The following FNDC3A variants were observed in gnomAD, a reference collection of about 807,000 sequenced individuals.
The protein encoded by FNDC3A is fibronectin type-III domain-containing protein 3A.
In FNDC3A, 32 loss-of-function variants were observed where a neutral mutation model predicts 148.9. That is an observed-to-expected ratio of 0.21 (90% CI 0.16 to 0.29). The LOEUF is 0.29. FNDC3A is among the 10% of genes least tolerant of loss of function. The pLI is 1.00. For missense variants in FNDC3A, 1,191 were observed against 1,452.8 expected, an observed-to-expected ratio of 0.82 and a Z score of 2.93; for synonymous variants, 472 against 473.6, an observed-to-expected ratio of 1.00 and a Z score of 0.04.
chr13:49,003,388 ATATTCAAGTCTCTTGTTATTTTTC>A (rs972513231), intron 1 of FNDC3A, among the ~76,000 whole-genome samples: 4 of 152,132 alleles, frequency 2.6e-5, no homozygotes, highest in Non-Finnish European at 5.9e-5. Context: ...TGTGGAGAGT[ATATTCAAGTCTCTTGTTATTTTTC>A]TATCTTTTTT....
At chr13:49,180,028 A>G (rs1885226291) in intron 14 of FNDC3A, among the ~76,000 whole-genome samples, 1 of 152,230 alleles carries the variant, frequency 6.6e-6, no homozygotes, top group Non-Finnish European at 1.5e-5. Flanking sequence ...ATACATGTGT[A>G]TATACATAAA....
At chr13:49,168,971 C>T (rs541684806) in intron 10 of FNDC3A, among the ~76,000 whole-genome samples, 2 of 152,138 alleles carry the variant, frequency 1.3e-5, no homozygotes, top group South Asian at 4.2e-4. Context: ...ATTAACAGTC[C>T]TTATTACATT....
At chr13:49,082,772 A>G (rs1233581357) in intron 3 of FNDC3A, among the ~76,000 whole-genome samples, 1 of 152,054 alleles carries the variant, frequency 6.6e-6, no homozygotes, top group African/African-American at 2.4e-5. Context: ...GAATTCACAC[A>G]AGAAGGCAGC....
intron 4 of FNDC3A, among the ~76,000 whole-genome samples, chr13:49,120,808 A>G (rs1265902466): frequency 6.6e-6 from 1 of 152,254 alleles, no homozygotes; most frequent in Non-Finnish European, 1.5e-5. Context: ...TCCTAAATAT[A>G]TATGAACCCA....
At chr13:49,003,201 A>C (rs934562498) in intron 1 of FNDC3A, among the ~76,000 whole-genome samples, 1 of 151,952 alleles carries the variant, frequency 6.6e-6, no homozygotes, top group Non-Finnish European at 1.5e-5. Context: ...AAGTAGCTGG[A>C]ATTACAGGCA....
intron 3 of FNDC3A, among the ~76,000 whole-genome samples, chr13:49,077,144 C>T (rs1878169640): frequency 6.6e-6 from 1 of 152,152 alleles, no homozygotes; most frequent in East Asian, 1.9e-4. Flanking sequence ...CATAGTGGCG[C>T]ACGCCTGCTG....
rs1181719706 is a variant in FNDC3A, at chr13:49,209,755, G to T, written c.*2360G>T. The T allele has an allele frequency of 1.3e-5, 2 of 152,088 alleles. No homozygotes were observed. The highest frequency in any genetic ancestry group is 2.9e-5 in the Non-Finnish European group (2 of 68,004). The allele number at this position is 152,088 out of a possible 1,614,324, so 9.4% of individuals were successfully genotyped here. A position where few individuals can be genotyped will look rare whatever the true frequency, so the allele number is the denominator to read the frequency against. ...TATTTATTATATAAAGCCCAGTAAA[G>T]AATAAAATTAGAAGTTTTATCCTAG... is the stretch of plus-strand genomic sequence containing the variant. On this transcript the variant is annotated 3_prime_UTR_variant, in exon 26 of 26. Transcript: ENST00000492622.
chr13:48,987,951 G>A (rs980195796), intron 1 of FNDC3A: 2 of 152,194 alleles, frequency 1.3e-5, no homozygotes, highest in Admixed American at 1.3e-4. Flanking sequence ...TTGGAACGAT[G>A]CAGAGAAGAT....
At chr13:49,165,989 T>C (rs1884437051) in intron 8 of FNDC3A, among the ~76,000 whole-genome samples, 1 of 151,902 alleles carries the variant, frequency 6.6e-6, no homozygotes, top group South Asian at 2.1e-4. Flanking sequence ...TCCCAGACAG[T>C]GTGCTCAAAC....
Position 49,136,874 on chromosome 13 carries a change from T to G in FNDC3A, c.760+273T>G, listed in dbSNP as rs185239006. Among the ~76,000 whole-genome samples the G allele has an allele frequency of 1.9e-3, 288 of 152,268 alleles. 1 individual carries two copies. Among genetic ancestry groups the G allele is most frequent in the African/African-American group, 6.6e-3 (273 of 41,540 alleles). ...GCGTTTGATAAGGCTATGCTGCTGG[T>G]TTTTAATCAAAACTTTTTTTTTTTG... On this transcript the variant is annotated intron_variant, in intron 6 of 25. Coordinates refer to ENST00000492622, the MANE Select transcript of FNDC3A (RefSeq NM_001079673.2).
At chr13:49,186,946 G>A (rs557327473) in intron 15 of FNDC3A, among the ~76,000 whole-genome samples, 176 bp from the exon 16 acceptor site, 3 of 151,842 alleles carry the variant, frequency 2.0e-5, no homozygotes, top group African/African-American at 7.2e-5. Context: ...TTTTAAATAT[G>A]GTAAATTAAG....
rs752555563 is a variant in FNDC3A at position 49,075,346 on chromosome 13, C to G, written c.157C>G (p.Gln53Glu). ...EAFTIRREDG[Q>E]FQCITGPAQV... ...ATTTACAATAAGAAGAGAAGATGGA[C>G]AGTTTCAGTGCATTACAGGTAAGAA... is the stretch of plus-strand genomic sequence containing the variant. The change falls in exon 3 of 26, where the codon CAG (glutamine) becomes GAG (glutamate). Residue 53 changes from glutamine to glutamate, a missense_variant. By Grantham distance (29) the Gln-to-Glu change is conservative. Around this residue, in one of 3 missense-constraint regions of FNDC3A, gnomAD observed 426 missense variants for 473.2 expected, o/e 0.90. Transcript: ENST00000492622. 1 of 1,597,036 alleles carries G rather than the reference C, an allele frequency of 6.3e-7. No homozygotes were observed. The highest frequency in any genetic ancestry group is 1.7e-5 in the Admixed American group (1 of 59,836).
intron 3 of FNDC3A, among the ~76,000 whole-genome samples, chr13:49,091,712 A>G (rs909207707): frequency 1.3e-5 from 2 of 152,212 alleles, no homozygotes; most frequent in African/African-American, 4.8e-5. Context: ...GGAACTCTCC[A>G]TGAGGCCATA....
chr13:49,194,012 A>G (rs1006171882), intron 19 of FNDC3A, among the ~76,000 whole-genome samples: 2 of 152,052 alleles, frequency 1.3e-5, no homozygotes, highest in African/African-American at 4.8e-5. Flanking sequence ...TGTAATCCCA[A>G]TACTTGGGGA....
At chr13:49,121,559 G>C (rs1292817984) in intron 4 of FNDC3A, among the ~76,000 whole-genome samples, 7 of 152,152 alleles carry the variant, frequency 4.6e-5, no homozygotes, top group Admixed American at 4.6e-4. Context: ...CAGTTCAGGA[G>C]CTGGTTTTTT....
At chr13:49,140,150 T>C (rs1882608144) in intron 7 of FNDC3A, among the ~76,000 whole-genome samples, 1 of 152,068 alleles carries the variant, frequency 6.6e-6, no homozygotes, top group African/African-American at 2.4e-5. Flanking sequence ...CTGAGTAATA[T>C]ATTGAGACCT....
At chr13:48,983,765 G>C (rs1038979814) in intron 1 of FNDC3A, among the ~76,000 whole-genome samples, 1 of 151,950 alleles carries the variant, frequency 6.6e-6, no homozygotes, top group African/African-American at 2.4e-5. Flanking sequence ...ATCTCTCTGC[G>C]GTAGATACTA....
chr13:49,134,088 C>T (rs985608102), intron 5 of FNDC3A, among the ~76,000 whole-genome samples: 1 of 152,068 alleles, frequency 6.6e-6, no homozygotes, highest in Non-Finnish European at 1.5e-5. Flanking sequence ...TTTCTATATT[C>T]AGTATGTACT....
intron 2 of FNDC3A, among the ~76,000 whole-genome samples, chr13:49,062,517 C>T (rs1876967602): frequency 6.6e-6 from 1 of 152,184 alleles, no homozygotes; most frequent in African/African-American, 2.4e-5. Context: ...CACACTACTT[C>T]CTATTTTTCA....
Sources: gnomAD v4.1 joint callset for allele counts (sites outside exome capture counted in the v4.1 genomes callset) on GRCh38, gnomAD v4.1.1 for gene constraint, gnomAD v4.1.1 regional missense constraint, MANE v1.5 for transcripts, NCBI Gene and HGNC (gene_info 2026-07-23, HGNC 2026-07-21) for gene names.